ERP44: variants seen among roughly 807,000 people sequenced by gnomAD.
ERP44 encodes endoplasmic reticulum resident protein 44.
ERP44 carries 25 observed loss-of-function variants against 53.4 expected under a neutral mutation model. The observed-to-expected ratio is 0.47, with a 90% CI of 0.34 to 0.65. ERP44 has a LOEUF of 0.65. ERP44 is among the 30% of genes least tolerant of loss of function. The pLI is 0.01. For missense variants in ERP44, 338 were observed against 493.2 expected (o/e 0.69, Z 2.98); for synonymous variants, 145 against 161.2 (o/e 0.90, Z 0.76).
intron 8 of ERP44, among the ~76,000 whole-genome samples, chr9:100,010,153 G>A (rs377729937): frequency 6.6e-6 from 1 of 152,128 alleles, no homozygotes; most frequent in Non-Finnish European, 1.5e-5. Flanking sequence ...ATAAACAAAT[G>A]TTGCTAAATA....
intron 8 of ERP44, among the ~76,000 whole-genome samples, chr9:100,008,059 A>G (rs1830437988): frequency 6.6e-6 from 1 of 152,240 alleles, no homozygotes; most frequent in African/African-American, 2.4e-5. Context: ...GAGTGGGGTA[A>G]ACATGACTAG....
chr9:100,094,484 C>T (rs554324835), intron 1 of ERP44, among the ~76,000 whole-genome samples: 1 of 152,038 alleles, frequency 6.6e-6, no homozygotes, highest in Non-Finnish European at 1.5e-5. Context: ...ATGGTGAAAC[C>T]CCATCTCTAC....
rs373340946 is a variant in ERP44 at position 100,006,683 on chromosome 9, A to G, written c.875-36T>C. 1.0e-4 allele frequency: 151 copies of G among 1,455,670 alleles called. No homozygotes were observed. In the Middle Eastern group the frequency reaches 1.3e-3, roughly 13 times the overall value. The allele number at this position is 1,455,670 out of a possible 1,614,324, so 90.2% of individuals were successfully genotyped here. On this transcript the variant is annotated intron_variant, in intron 9 of 11. Coordinates refer to ENST00000262455, the MANE Select transcript of ERP44 (RefSeq NM_015051.3). ...AAAGAATTTTGAGAGGTAAATTCAA[A>G]TTTTCTTGAAAATATTTTTGTAAGA...
At chr9:100,076,822 A>T (rs1171150198) in intron 1 of ERP44, among the ~76,000 whole-genome samples, 1 of 152,232 alleles carries the variant, frequency 6.6e-6, no homozygotes, top group Non-Finnish European at 1.5e-5. Flanking sequence ...AGGATGATCC[A>T]TTCTGTGGAC....
chr9:100,047,964 G>C (rs909631872), intron 4 of ERP44, among the ~76,000 whole-genome samples: 1 of 152,052 alleles, frequency 6.6e-6, no homozygotes, highest in Non-Finnish European at 1.5e-5. Flanking sequence ...ATATACAAAT[G>C]ACCAATAAGC....
At chr9:100,085,109 T>C (rs1826466114) in intron 1 of ERP44, among the ~76,000 whole-genome samples, 1 of 152,280 alleles carries the variant, frequency 6.6e-6, no homozygotes, top group African/African-American at 2.4e-5. Context: ...TCGGTTATTA[T>C]ATATTTTAAA....
chr9:100,032,977 T>A (rs1194085696), intron 4 of ERP44, among the ~76,000 whole-genome samples: 4 of 152,322 alleles, frequency 2.6e-5, no homozygotes, highest in East Asian at 3.9e-4. Flanking sequence ...ATGTTGCTGA[T>A]CCTTTGTTTA....
intron 10 of ERP44, among the ~76,000 whole-genome samples, chr9:100,004,709 G>A (rs982101294): frequency 1.3e-5 from 2 of 152,134 alleles, no homozygotes; most frequent in Non-Finnish European, 2.9e-5. Flanking sequence ...CCTCTTCAAT[G>A]CATCATTTCT....
chr9:100,087,813 C>G (rs1826502279), intron 1 of ERP44, among the ~76,000 whole-genome samples: 1 of 152,062 alleles, frequency 6.6e-6, no homozygotes. Context: ...TCAAAATATA[C>G]ACATTACTAT....
intron 11 of ERP44, among the ~76,000 whole-genome samples, chr9:99,983,551 CA>C (rs59132233): frequency 0.32 from 22,026 of 68,178 alleles, 979 homozygotes; most frequent in Non-Finnish European, 0.39. Flanking sequence ...GACTCCGTCT[CA>C]AAAAAAAAAA....
chr9:99,985,131 T>C (rs555374345), intron 10 of ERP44, 62 bp from the exon 11 acceptor site: 143 of 1,145,774 alleles, frequency 1.2e-4, no homozygotes, highest in Non-Finnish European at 1.7e-4. Flanking sequence ...TTTTACCAAC[T>C]TCACAGTATT....
At chr9:100,001,356 C>G (rs968717033) in intron 10 of ERP44, among the ~76,000 whole-genome samples, 3 of 152,056 alleles carry the variant, frequency 2.0e-5, no homozygotes, top group Non-Finnish European at 4.4e-5. Flanking sequence ...TATGTTAGGT[C>G]CCTTTGAGCT....
chr9:100,045,360 G>A (rs569065711), intron 4 of ERP44, among the ~76,000 whole-genome samples: 67 of 152,182 alleles, frequency 4.4e-4, no homozygotes, highest in African/African-American at 1.4e-3. Flanking sequence ...CACAATTTGC[G>A]ATTGTGTATT....
chr9:100,016,210 C>G (rs1830524410), intron 8 of ERP44, 112 bp downstream of exon 8: 17 of 1,451,734 alleles, frequency 1.2e-5, no homozygotes, highest in Non-Finnish European at 1.5e-5. Flanking sequence ...GTTATGTTCA[C>G]TATATGATTC....
intron 1 of ERP44, among the ~76,000 whole-genome samples, chr9:100,093,420 G>T (rs1479105076): frequency 1.3e-5 from 2 of 152,192 alleles, no homozygotes; most frequent in African/African-American, 2.4e-5. Context: ...AAAGCGGGTG[G>T]ATCGCTTGAG....
chr9:100,074,843 T>C (rs1307386957), intron 1 of ERP44, among the ~76,000 whole-genome samples: 7 of 152,202 alleles, frequency 4.6e-5, no homozygotes, highest in Admixed American at 6.5e-5. Context: ...AATGGACTTT[T>C]AGCTCAGGTC....
At chr9:100,073,709 C>T (rs1259861792) in intron 1 of ERP44, among the ~76,000 whole-genome samples, 1 of 152,140 alleles carries the variant, frequency 6.6e-6, no homozygotes, top group East Asian at 1.9e-4. Flanking sequence ...TTTTCAATTA[C>T]ATTCTACATA....
chr9:100,044,497 CA>C (rs1474584363), intron 4 of ERP44, among the ~76,000 whole-genome samples: 1 of 151,760 alleles, frequency 6.6e-6, no homozygotes, highest in Non-Finnish European at 1.5e-5. Flanking sequence ...TCAGGACAAC[CA>C]CACAGAGAAC....
intron 4 of ERP44, among the ~76,000 whole-genome samples, chr9:100,039,810 A>G (rs995261426): frequency 8.5e-5 from 13 of 152,128 alleles, no homozygotes; most frequent in African/African-American, 3.1e-4. Context: ...AGACCTAAAT[A>G]AATAACATCA....
Sources: allele counts gnomAD v4.1 joint callset (sites outside exome capture counted in the v4.1 genomes callset), GRCh38; gene constraint gnomAD v4.1.1; transcripts MANE v1.5; gene names NCBI Gene and HGNC (gene_info 2026-07-23, HGNC 2026-07-21).